The following HSD17B11 variants were observed in gnomAD, a reference collection of about 807,000 sequenced individuals.
HSD17B11 encodes hydroxysteroid 17-beta dehydrogenase 11.
HSD17B11 carries 22 observed loss-of-function variants against 27.8 expected under a neutral mutation model. That is an observed-to-expected ratio of 0.79 (90% CI 0.56 to 1.13). The LOEUF (loss-of-function observed/expected upper bound fraction) is 1.13, where lower values mean the gene tolerates loss of function less well. HSD17B11 is among the 50% of genes most tolerant of loss of function. HSD17B11 has a pLI of 0.00. For synonymous variants in HSD17B11, 117 were observed against 132.8 expected, an observed-to-expected ratio of 0.88 and a Z score of 0.82; for missense variants, 314 against 351.1, an observed-to-expected ratio of 0.89 and a Z score of 0.84.
chr4:87,374,898 TA>T, intron 2 of HSD17B11, 68 bp from the exon 3 acceptor site: 1 of 1,183,394 alleles, frequency 8.5e-7, no homozygotes, highest in South Asian at 1.5e-5. Flanking sequence ...ACACAATGGC[TA>T]TTTTTTTTTT....
rs376629094 is a variant in HSD17B11, at chr4:87,378,819, AAT to A, written c.318+3434_318+3435del. Among the ~76,000 whole-genome samples the A allele has an allele frequency of 4.7e-4, 19 of 40,452 alleles. 3 individuals are homozygous for A. Among genetic ancestry groups the A allele is most frequent in the East Asian group, 1.8e-3 (6 of 3,406 alleles). The allele number at this position is 40,452 out of a possible 152,430, so 26.5% of individuals were successfully genotyped here. A position where few individuals can be genotyped will look rare whatever the true frequency, so the allele number is the denominator to read the frequency against. On this transcript the variant is annotated intron_variant, in intron 2 of 6. Transcript: ENST00000358290. ...ATTTTATATATATATATAAATATAA[AAT>A]ATATATATAAATATATATATATAAA... is the stretch of plus-strand genomic sequence containing the variant.
intron 6 of HSD17B11, among the ~76,000 whole-genome samples, chr4:87,339,010 C>T (rs565536621): frequency 1.7e-4 from 26 of 152,260 alleles, no homozygotes; most frequent in Non-Finnish European, 2.6e-4. Flanking sequence ...AGAGCACAAA[C>T]TTTGAGTCTT....
chr4:87,346,189 G>A (rs1315089338), intron 5 of HSD17B11, among the ~76,000 whole-genome samples: 2 of 152,066 alleles, frequency 1.3e-5, no homozygotes, highest in African/African-American at 4.8e-5. Flanking sequence ...CATCTCAGTA[G>A]GTATCAAAAA....
chr4:87,361,796 A>G (rs1026692648), intron 4 of HSD17B11, among the ~76,000 whole-genome samples: 7 of 152,120 alleles, frequency 4.6e-5, no homozygotes, highest in African/African-American at 1.4e-4. Context: ...TTCACTTTGC[A>G]CTGTGGACTC....
chr4:87,359,471 A>G lies in HSD17B11; in HGVS notation c.558-2055T>C, dbSNP rs1230732043. ...GGAACTTCTGTGCTCAAGCAATCCT[A>G]TCACCTCAGCCTCCCAAGTAGCTGG... On this transcript the variant is annotated intron_variant, in intron 4 of 6. Coordinates refer to ENST00000358290, the MANE Select transcript of HSD17B11 (RefSeq NM_016245.5). Among the ~76,000 whole-genome samples the G allele has an allele frequency of 2.6e-5, 4 of 152,216 alleles. No individual in the cohort carries two copies. The East Asian group carries it at 5.8e-4, about 22-fold the overall frequency.
chr4:87,355,245 T>C (rs555383787), intron 5 of HSD17B11, among the ~76,000 whole-genome samples: 3 of 152,266 alleles, frequency 2.0e-5, no homozygotes, highest in East Asian at 1.9e-4. Context: ...ATTTAATAAA[T>C]AGTGCAGAAA....
At chr4:87,380,257 G>A (rs1253672904) in intron 2 of HSD17B11, among the ~76,000 whole-genome samples, 3 of 151,190 alleles carry the variant, frequency 2.0e-5, no homozygotes, top group East Asian at 1.9e-4. Flanking sequence ...GGCGGATCGC[G>A]AGGTCAGGAG....
Position 87,340,535 on chromosome 4 carries a change from A to G in HSD17B11, c.767T>C (p.Met256Thr), listed in dbSNP as rs1735145080. The G allele has an allele frequency of 6.2e-7, 1 of 1,610,980 alleles. No homozygotes were observed. ...AGCTATAGAAGATGGAATAAAAATCATCTTCTGCTCAGTCAGAATCCCATG... is the reference window on the plus strand; with the variant it reads ...AGCTATAGAAGATGGAATAAAAATCGTCTTCTGCTCAGTCAGAATCCCATG... ...LMHGILTEQKMIFIPSSIAFL... is the reference protein window; with the variant it reads ...LMHGILTEQKTIFIPSSIAFL... The change falls in exon 6 of 7, where the codon ATG becomes ACG. Residue 256 changes from methionine (M) to threonine (T), a missense_variant. By Grantham distance (81) the Met-to-Thr change is moderately conservative. Coordinates refer to ENST00000358290, the MANE Select transcript of HSD17B11 (RefSeq NM_016245.5).
intron 5 of HSD17B11, among the ~76,000 whole-genome samples, chr4:87,346,997 C>G (rs1220550434): frequency 6.6e-6 from 1 of 151,332 alleles, no homozygotes; most frequent in Non-Finnish European, 1.5e-5. Flanking sequence ...CCAATAAACC[C>G]AGATTATGCT....
intron 4 of HSD17B11, among the ~76,000 whole-genome samples, chr4:87,362,450 C>T (rs371384469): frequency 2.6e-5 from 4 of 152,320 alleles, no homozygotes; most frequent in Non-Finnish European, 4.4e-5. Context: ...TGCTTGAACC[C>T]GGGAGGCCGA....
rs188257483 is a variant in HSD17B11 at position 87,346,677 on chromosome 4, T to C, written c.696-6071A>G. Reference sequence around the variant, plus strand: ...ACATAAATAATTAAATGAATGAAAATATTATTGTTGGCCAATTTAATGATA... The same window carrying C: ...ACATAAATAATTAAATGAATGAAAACATTATTGTTGGCCAATTTAATGATA... On this transcript the variant is annotated intron_variant, in intron 5 of 6. Coordinates refer to ENST00000358290, the MANE Select transcript of HSD17B11 (RefSeq NM_016245.5). Among the ~76,000 whole-genome samples, 77 of 151,992 alleles carry C rather than the reference T, an allele frequency of 5.1e-4. 1 individual carries two copies. The highest frequency in any genetic ancestry group is 9.3e-4 in the Non-Finnish European group (63 of 67,948).
In HSD17B11 at chr4:87,374,745, G is replaced by A; in HGVS notation, c.404C>T (p.Pro135Leu). The A allele has an allele frequency of 1.2e-6, 2 of 1,609,636 alleles. No homozygotes were observed. Among genetic ancestry groups the A allele is most frequent in the South Asian group, 1.1e-5 (1 of 89,728 alleles). The change falls in exon 3 of 7, where the codon CCT becomes CTT. Residue 135 changes from proline (P) to leucine (L), a missense_variant. Coordinates refer to ENST00000358290, the MANE Select transcript of HSD17B11 (RefSeq NM_016245.5). The part of the protein sequence containing the change: ...YTSDLFATQD[P>L]QIEKTFEVNV... Reference sequence around the variant, plus strand: ...AACTTCAAAAGTCTTTTCAATCTGAGGATCTTGTGTAGCAAACAAATCTGA... The same window carrying A: ...AACTTCAAAAGTCTTTTCAATCTGAAGATCTTGTGTAGCAAACAAATCTGA...
At chr4:87,368,826 T>C (rs1302513943) in intron 4 of HSD17B11, among the ~76,000 whole-genome samples, 5 of 152,316 alleles carry the variant, frequency 3.3e-5, no homozygotes, top group East Asian at 3.9e-4. Context: ...ACAAATGCCA[T>C]GGCAATGGCA....
At chr4:87,384,735 C>T (rs149414175) in intron 1 of HSD17B11, among the ~76,000 whole-genome samples, 2,197 of 148,338 alleles carry the variant, frequency 0.015, 69 homozygotes, top group African/African-American at 0.055. Context: ...TCTCTGCTCT[C>T]GAACCCTGTT....
intron 2 of HSD17B11, among the ~76,000 whole-genome samples, chr4:87,381,801 T>A (rs191544601): frequency 6.6e-6 from 1 of 151,570 alleles, no homozygotes; most frequent in Non-Finnish European, 1.5e-5. Context: ...AATAGATCTA[T>A]CTACAATAAA....
intron 4 of HSD17B11, among the ~76,000 whole-genome samples, chr4:87,370,784 G>A (rs1452809849): frequency 1.9e-5 from 2 of 104,122 alleles, no homozygotes; most frequent in East Asian, 2.4e-4. Context: ...ACGGAGTCTC[G>A]CTCTGTCGCC....
intron 6 of HSD17B11, 69 bp downstream of exon 6, chr4:87,340,421 T>C (rs1440553343): frequency 2.1e-6 from 2 of 955,404 alleles, no homozygotes; most frequent in South Asian, 1.7e-5. Flanking sequence ...GATTTAAATG[T>C]CAGTAAAAAA....
intron 4 of HSD17B11, 107 bp from the exon 5 acceptor site, chr4:87,357,523 T>C: frequency 9.8e-7 from 1 of 1,022,236 alleles, no homozygotes; most frequent in Non-Finnish European, 1.4e-6. Context: ...TCCCTGAGTC[T>C]CAGGCCCCAG....
intron 5 of HSD17B11, among the ~76,000 whole-genome samples, chr4:87,344,165 T>C (rs537859774): frequency 6.6e-6 from 1 of 152,338 alleles, no homozygotes; most frequent in East Asian, 1.9e-4. Context: ...TGAGGCATTT[T>C]CTTATATAAC....
Sources: allele counts gnomAD v4.1 joint callset (sites outside exome capture counted in the v4.1 genomes callset), GRCh38; gene constraint gnomAD v4.1.1; transcripts MANE v1.5; gene names NCBI Gene and HGNC (gene_info 2026-07-23, HGNC 2026-07-21).